BNC2: variants seen among roughly 807,000 people sequenced by gnomAD.
BNC2 encodes the protein basonuclin zinc finger protein 2.
In BNC2, 20 loss-of-function variants were observed where a neutral mutation model predicts 76.3. The observed-to-expected ratio is 0.26, with a 90% CI of 0.18 to 0.38. The LOEUF (loss-of-function observed/expected upper bound fraction) is 0.38, where lower values mean the gene tolerates loss of function less well. Ranked by LOEUF, BNC2 falls within the 10% of genes least tolerant of loss-of-function variation. BNC2 has a pLI of 1.00. For synonymous variants in BNC2, 582 were observed against 514.8 expected (o/e 1.13, Z -1.77); for missense variants, 1,382 against 1,399.8 (o/e 0.99, Z 0.20).
At chr9:16,512,507 A>C (rs1822781416) in intron 5 of BNC2, among the ~76,000 whole-genome samples, 2 of 150,522 alleles carry the variant, frequency 1.3e-5, no homozygotes, top group African/African-American at 5.0e-5. Context: ...CACACACACA[A>C]ATAGAACCTG....
chr9:16,613,945 A>G (rs984108180), intron 3 of BNC2, among the ~76,000 whole-genome samples: 2 of 152,248 alleles, frequency 1.3e-5, no homozygotes, highest in African/African-American at 2.4e-5. Flanking sequence ...AACAGTCACA[A>G]GAGGGAGATG....
At chr9:16,780,606 T>A (rs958712318) in intron 1 of BNC2, among the ~76,000 whole-genome samples, 11 of 152,086 alleles carry the variant, frequency 7.2e-5, no homozygotes, top group African/African-American at 2.7e-4. Flanking sequence ...AATTGTATAT[T>A]ATGGGAATTA....
intron 6 of BNC2, among the ~76,000 whole-genome samples, 182 bp from the exon 7 acceptor site, chr9:16,419,831 G>A (rs1364722360): frequency 6.6e-6 from 1 of 152,166 alleles, no homozygotes; most frequent in African/African-American, 2.4e-5. Context: ...GTTAGTGGTG[G>A]TGGTGAGAGG....
intron 4 of BNC2, among the ~76,000 whole-genome samples, chr9:16,553,219 G>C (rs1312462476): frequency 6.6e-6 from 1 of 152,174 alleles, no homozygotes; most frequent in African/African-American, 2.4e-5. Flanking sequence ...TTCTGAATAA[G>C]ATTCACCCCT....
chr9:16,752,105 T>C (rs1353062451), intron 1 of BNC2, among the ~76,000 whole-genome samples: 2 of 152,146 alleles, frequency 1.3e-5, no homozygotes, highest in African/African-American at 2.4e-5. Flanking sequence ...CTGAAGACTG[T>C]TCTAATAATT....
intron 5 of BNC2, among the ~76,000 whole-genome samples, chr9:16,514,694 T>A (rs938428014): frequency 3.3e-5 from 5 of 152,206 alleles, no homozygotes; most frequent in African/African-American, 1.2e-4. Context: ...ATTGTAATAA[T>A]AACATTTTTC....
rs185211030 is a variant in BNC2, at chr9:16,457,897, C to T, written c.670-20373G>A. On this transcript the variant is annotated intron_variant, in intron 5 of 6. Coordinates refer to ENST00000380672, the MANE Select transcript of BNC2 (RefSeq NM_017637.6). ...CCTTCCCATTGTTGTTTCAGATGCA[C>T]TAGTGTTTCAGATCTGCATCCCCAC... Among the ~76,000 whole-genome samples the T allele has an allele frequency of 1.6e-3, 240 of 152,222 alleles. 3 individuals carry two copies. Among genetic ancestry groups the T allele is most frequent in the African/African-American group, 5.6e-3 (231 of 41,536 alleles).
At chr9:16,507,924 A>G (rs1406593161) in intron 5 of BNC2, among the ~76,000 whole-genome samples, 1 of 152,240 alleles carries the variant, frequency 6.6e-6, no homozygotes, top group Admixed American at 6.5e-5. Context: ...GGAACAGTAC[A>G]TAACAATCGT....
At chr9:16,699,243 C>A in intron 3 of BNC2, 1 of 468,928 alleles carries the variant, frequency 2.1e-6, no homozygotes, top group Non-Finnish European at 4.4e-6. Context: ...AATAATGCAA[C>A]AAAAAAGTCC....
intron 5 of BNC2, among the ~76,000 whole-genome samples, chr9:16,546,107 TTC>T (rs1185471550): frequency 1.3e-5 from 2 of 152,246 alleles, no homozygotes; most frequent in East Asian, 1.9e-4. Flanking sequence ...CAACTGATAT[TTC>T]TCTGTTATAA....
chr9:16,656,006 A>G (rs1821918224), intron 3 of BNC2, among the ~76,000 whole-genome samples: 1 of 152,162 alleles, frequency 6.6e-6, no homozygotes, highest in African/African-American at 2.4e-5. Flanking sequence ...AGTGTTCTTA[A>G]TAGGGGAGGT....
chr9:16,610,900 A>T (rs1445258115), intron 3 of BNC2, among the ~76,000 whole-genome samples: 5 of 152,200 alleles, frequency 3.3e-5, no homozygotes, highest in Non-Finnish European at 7.4e-5. Flanking sequence ...GCTGTCACTT[A>T]GGCTGCCACT....
intron 5 of BNC2, among the ~76,000 whole-genome samples, chr9:16,511,613 G>C (rs889946024): frequency 8.6e-5 from 13 of 151,118 alleles, no homozygotes; most frequent in African/African-American, 3.2e-4. Context: ...TTTTTTTGTA[G>C]AGACGGGGTT....
chr9:16,582,465 C>T (rs1819652174), intron 4 of BNC2, among the ~76,000 whole-genome samples: 1 of 152,172 alleles, frequency 6.6e-6, no homozygotes, highest in Non-Finnish European at 1.5e-5. Flanking sequence ...GGAGTATTTA[C>T]AGGTTATATT....
chr9:16,800,559 C>G (rs2253972), intron 1 of BNC2, among the ~76,000 whole-genome samples: 1 of 149,376 alleles, frequency 6.7e-6, no homozygotes, highest in Non-Finnish European at 1.5e-5. Flanking sequence ...CACTGGAACT[C>G]TTTTTTTTTT....
At chr9:16,761,565 C>T (rs1159718039) in intron 1 of BNC2, among the ~76,000 whole-genome samples, 5 of 152,036 alleles carry the variant, frequency 3.3e-5, no homozygotes, top group Non-Finnish European at 7.4e-5. Context: ...TATGCTTTTG[C>T]GGGGAGAGGG....
chr9:16,435,569 G>A lies in BNC2; in HGVS notation c.2625C>T (p.Arg875=), dbSNP rs775681939. ...VAGCNAAFPS[R]RSRDRHSANI... ...GATTTACTGACCTGTCTCGGCTTCG[G>A]CGAGAGGGGAATGCAGCATTGCAAC... is the stretch of plus-strand genomic sequence containing the variant. Residue 875 remains arginine (R), a synonymous_variant, in exon 6 of 7, where the codon CGC becomes CGT. Coordinates refer to ENST00000380672, the MANE Select transcript of BNC2 (RefSeq NM_017637.6). 3 of 1,613,826 alleles carry A rather than the reference G, an allele frequency of 1.9e-6. No homozygotes were observed. The highest frequency in any genetic ancestry group is 2.7e-5 in the African/African-American group (2 of 74,906).
At chr9:16,707,491 A>G (rs537826451) in intron 3 of BNC2, among the ~76,000 whole-genome samples, 1 of 152,184 alleles carries the variant, frequency 6.6e-6, no homozygotes, top group Non-Finnish European at 1.5e-5. Context: ...GGGGCCTATG[A>G]AAAGAGGTCT....
chr9:16,756,187 T>C (rs1825379683), intron 1 of BNC2, among the ~76,000 whole-genome samples: 1 of 152,220 alleles, frequency 6.6e-6, no homozygotes, highest in African/African-American at 2.4e-5. Flanking sequence ...ATAGCCACTT[T>C]TGAGATATCT....
Sources: allele counts gnomAD v4.1 joint callset (sites outside exome capture counted in the v4.1 genomes callset), GRCh38; gene constraint gnomAD v4.1.1; transcripts MANE v1.5; gene names NCBI Gene and HGNC (gene_info 2026-07-23, HGNC 2026-07-21).